The following SLC39A11 variants were observed in gnomAD, a reference collection of about 807,000 sequenced individuals.
SLC39A11 encodes the protein zinc transporter ZIP11.
Under a neutral mutation model 36.1 loss-of-function variants are expected in SLC39A11, and 33 were observed. That is an observed-to-expected ratio of 0.91 (90% CI 0.69 to 1.22). SLC39A11 has a LOEUF of 1.22. Ranked by LOEUF, SLC39A11 falls within the 50% of genes most tolerant of loss-of-function variation. The pLI, the probability that SLC39A11 is intolerant of heterozygous loss-of-function variation, is 0.00. For missense variants in SLC39A11, 432 were observed against 430.3 expected (o/e 1.00, Z -0.03); for synonymous variants, 166 against 170.3 (o/e 0.97, Z 0.20).
At chr17:72,977,164 T>G (rs1228901437) in intron 4 of SLC39A11, among the ~76,000 whole-genome samples, 1 of 152,102 alleles carries the variant, frequency 6.6e-6, no homozygotes. Flanking sequence ...AGTGAGAAAG[T>G]GCCTGAGCCA....
chr17:72,969,812 T>TA (rs2087302628), intron 4 of SLC39A11, among the ~76,000 whole-genome samples: 1 of 152,150 alleles, frequency 6.6e-6, no homozygotes, highest in East Asian at 1.9e-4. Context: ...CTTTAATATT[T>TA]AAAAAAAATT....
At chr17:72,797,986 C>T (rs544916599) in intron 6 of SLC39A11, among the ~76,000 whole-genome samples, 9 of 152,052 alleles carry the variant, frequency 5.9e-5, no homozygotes, top group East Asian at 1.9e-4. Flanking sequence ...ATGGGAGTGA[C>T]GAGAAAAGGA....
At chr17:72,758,590 GT>G (rs1279800981) in intron 6 of SLC39A11, among the ~76,000 whole-genome samples, 3 of 152,158 alleles carry the variant, frequency 2.0e-5, no homozygotes, top group Admixed American at 6.5e-5. Flanking sequence ...CTGAAGAAAG[GT>G]TAAAAAAGGG....
At chr17:73,002,500 A>C (rs773959122) in intron 4 of SLC39A11, among the ~76,000 whole-genome samples, 8 of 152,190 alleles carry the variant, frequency 5.3e-5, no homozygotes, top group Non-Finnish European at 1.2e-4. Context: ...GAGCTTTTAG[A>C]TGACCAAAAG....
intron 6 of SLC39A11, among the ~76,000 whole-genome samples, chr17:72,812,185 G>C (rs1000637513): frequency 1.3e-5 from 2 of 152,170 alleles, no homozygotes; most frequent in African/African-American, 4.8e-5. Context: ...AGAGAAAGCT[G>C]CTCCCCAAGG....
Position 72,798,407 on chromosome 17 carries a change from CTTCT to C in SLC39A11, c.601+51223_601+51226del, listed in dbSNP as rs750367408. 1.9e-4 allele frequency among the ~76,000 whole-genome samples: 17 copies of C among 90,998 alleles called. 1 individual carries two copies. The highest frequency in any genetic ancestry group is 4.7e-4 in the East Asian group (2 of 4,294). The allele number at this position is 90,998 out of a possible 152,430, so 59.7% of individuals were successfully genotyped here. ...AGAGACTGAGCTCTGGTCTCTTCCA[CTTCT>C]TTCTTTCTTTTTTTTTTTTTGAGAT... On this transcript the variant is annotated intron_variant, in intron 6 of 9. Transcript: ENST00000255559.
At chr17:72,786,022 C>T (rs1419537208) in intron 6 of SLC39A11, among the ~76,000 whole-genome samples, 8 of 152,172 alleles carry the variant, frequency 5.3e-5, no homozygotes, top group African/African-American at 1.9e-4. Flanking sequence ...GATTCCCTCC[C>T]CGACATCTCT....
intron 6 of SLC39A11, among the ~76,000 whole-genome samples, chr17:72,786,122 T>C (rs975431243): frequency 6.6e-6 from 1 of 152,328 alleles, no homozygotes; most frequent in East Asian, 1.9e-4. Context: ...CCTTATGGCA[T>C]AACCTTGGGT....
At chr17:72,948,018 C>T in intron 4 of SLC39A11, 143 bp from the exon 5 acceptor site, 1 of 995,362 alleles carries the variant, frequency 1.0e-6, no homozygotes. Context: ...AACCCAGTTG[C>T]CAGGCCATGC....
At chr17:72,879,855 C>G (rs1248108331) in intron 5 of SLC39A11, among the ~76,000 whole-genome samples, 1 of 152,180 alleles carries the variant, frequency 6.6e-6, no homozygotes, top group Non-Finnish European at 1.5e-5. Flanking sequence ...GTCTGAAGAC[C>G]CCCGCCAAGG....
intron 4 of SLC39A11, among the ~76,000 whole-genome samples, chr17:73,010,694 C>T (rs2090460441): frequency 6.6e-6 from 1 of 152,132 alleles, no homozygotes; most frequent in Admixed American, 6.6e-5. Context: ...CTTAGGCAAA[C>T]ATAATTATGA....
At chr17:72,831,990 A>C (rs1054167641) in intron 6 of SLC39A11, among the ~76,000 whole-genome samples, 4 of 152,174 alleles carry the variant, frequency 2.6e-5, no homozygotes, top group Non-Finnish European at 5.9e-5. Flanking sequence ...AGAGGAGGAG[A>C]AGGAGGTTGG....
intron 6 of SLC39A11, among the ~76,000 whole-genome samples, chr17:72,846,801 G>T (rs1312309052): frequency 6.6e-6 from 1 of 152,216 alleles, no homozygotes; most frequent in African/African-American, 2.4e-5. Context: ...CCACTGGGCA[G>T]ATCTTTACTC....
chr17:72,842,968 T>C (rs1349126500), intron 6 of SLC39A11, among the ~76,000 whole-genome samples: 3 of 152,206 alleles, frequency 2.0e-5, no homozygotes, highest in Non-Finnish European at 4.4e-5. Flanking sequence ...TGTTTTTTTC[T>C]GAGATGGAGT....
intron 6 of SLC39A11, among the ~76,000 whole-genome samples, chr17:72,841,051 T>C (rs910125034): frequency 1.3e-5 from 2 of 151,876 alleles, no homozygotes; most frequent in African/African-American, 4.8e-5. Context: ...CAAGACTCCG[T>C]CTCAAAAAAT....
chr17:72,971,323 C>G (rs187653804), intron 4 of SLC39A11, among the ~76,000 whole-genome samples: 9 of 147,956 alleles, frequency 6.1e-5, no homozygotes, highest in African/African-American at 2.1e-4. Flanking sequence ...CACATACACA[C>G]ACACACACAC....
At chr17:72,803,316 C>T (rs1281570410) in intron 6 of SLC39A11, among the ~76,000 whole-genome samples, 1 of 152,244 alleles carries the variant, frequency 6.6e-6, no homozygotes, top group Non-Finnish European at 1.5e-5. Flanking sequence ...CAGCCAGGGG[C>T]TTGGTAAATG....
chr17:72,777,869 ATATGTATG>A (rs71154917), intron 6 of SLC39A11, among the ~76,000 whole-genome samples: 30 of 150,066 alleles, frequency 2.0e-4, no homozygotes, highest in Admixed American at 4.7e-4. Flanking sequence ...ATGTATGTAT[ATATGTATG>A]TATGTATGTA....
intron 4 of SLC39A11, among the ~76,000 whole-genome samples, chr17:73,009,058 C>CAAAAAAAAAAAAAA (rs34448509): frequency 1.3e-5 from 1 of 78,816 alleles, no homozygotes; most frequent in African/African-American, 4.6e-5. Context: ...AGACCTGCCT[C>CAAAAAAAAAAAAAA]AAAAAAAAAA....
Sources: allele counts gnomAD v4.1 joint callset (sites outside exome capture counted in the v4.1 genomes callset), GRCh38; gene constraint gnomAD v4.1.1; transcripts MANE v1.5; gene names NCBI Gene and HGNC (gene_info 2026-07-23, HGNC 2026-07-21).